The following DNAH5 variants were observed in gnomAD, a reference collection of about 807,000 sequenced individuals.
The protein encoded by DNAH5 is axonemal beta dynein heavy chain 5.
Under a neutral mutation model 518.2 loss-of-function variants are expected in DNAH5, and 372 were observed. That is an observed-to-expected ratio of 0.72 (90% CI 0.66 to 0.78). The LOEUF (loss-of-function observed/expected upper bound fraction) is 0.78. Among genes scored for constraint, DNAH5 ranks in the 30% least tolerant of loss-of-function variants. The probability of loss-of-function intolerance (pLI) is 0.00; values close to 1 mark genes in which losing one functional copy is unlikely to be tolerated. For missense variants in DNAH5, 5,523 were observed against 5,687.0 expected, an observed-to-expected ratio of 0.97 and a Z score of 0.93; for synonymous variants, 2,039 against 2,025.9, an observed-to-expected ratio of 1.01 and a Z score of -0.17.
At chr5:13,804,349 C>G (rs1040199385) in intron 47 of DNAH5, among the ~76,000 whole-genome samples, 18 of 152,162 alleles carry the variant, frequency 1.2e-4, no homozygotes, top group Non-Finnish European at 1.9e-4. Flanking sequence ...GTAACAGATA[C>G]GCGCCCTTCG....
intron 16 of DNAH5, among the ~76,000 whole-genome samples, chr5:13,893,022 T>C (rs1001093746): frequency 1.3e-5 from 2 of 152,206 alleles, no homozygotes; most frequent in African/African-American, 4.8e-5. Context: ...GGCTGAATCA[T>C]AATTTCTCAC....
chr5:13,751,159 A>C lies in DNAH5; in HGVS notation c.11130T>G (p.Arg3710=). 1.2e-6 allele frequency: 2 copies of C among 1,614,022 alleles called. No homozygotes were observed. The highest frequency in any genetic ancestry group is 1.7e-6 in the Non-Finnish European group (2 of 1,179,926). ...NPAYTPEISA[R]TSIIDFTVTM... The stretch of plus-strand genomic sequence containing the variant: ...TGACAGTGAAGTCAATGATGGAGGT[A>C]CGGGCACTTATCTCAGGGGTGTAGG... The change falls in exon 65 of 79, where the codon CGT becomes CGG. Residue 3710 remains arginine, a synonymous_variant. Coordinates refer to ENST00000265104, the MANE Select transcript of DNAH5 (RefSeq NM_001369.3).
intron 47 of DNAH5, among the ~76,000 whole-genome samples, chr5:13,800,440 A>G (rs1385424778): frequency 1.3e-5 from 2 of 152,158 alleles, no homozygotes; most frequent in Non-Finnish European, 2.9e-5. Flanking sequence ...TCAATTCAGA[A>G]AGTGGCACCA....
rs553795925 is a variant in DNAH5 at position 13,976,790 on chromosome 5, A to C, written c.12+34858T>G. The stretch of plus-strand genomic sequence containing the variant: ...GTTTCAGGCATCCACTGAGGGTCTC[A>C]GAATACATTCCCGGAGGATAAGGAG... On this transcript the variant is annotated intron_variant, in intron 1 of 78. Transcript: ENST00000681290. 7.9e-5 allele frequency among the ~76,000 whole-genome samples: 12 copies of C among 151,904 alleles called. No individual in the cohort carries two copies. In the East Asian group the frequency reaches 2.1e-3, roughly 27 times the overall value.
At chr5:13,934,522 A>G (rs1778736488) in intron 1 of DNAH5, among the ~76,000 whole-genome samples, 1 of 152,222 alleles carries the variant, frequency 6.6e-6, no homozygotes, top group African/African-American at 2.4e-5. Flanking sequence ...ATGATTGGGA[A>G]AAGAGAAATA....
chr5:13,833,516 A>G lies in DNAH5; in HGVS notation c.5883-2741T>C, dbSNP rs1244425194. ...AGCAAGAATAATAATAATAATAACAAACATTTGCTGTGTCACGCCCTGTGC... is the reference window on the plus strand; with the variant it reads ...AGCAAGAATAATAATAATAATAACAGACATTTGCTGTGTCACGCCCTGTGC... On this transcript the variant is annotated intron_variant, in intron 35 of 78. Transcript: ENST00000265104. 2.6e-5 allele frequency among the ~76,000 whole-genome samples: 4 copies of G among 152,252 alleles called. No homozygotes were observed. In the East Asian group the frequency reaches 7.7e-4, roughly 29 times the overall value.
intron 17 of DNAH5, 71 bp downstream of exon 17, chr5:13,890,905 C>CA (rs1773129842): frequency 6.3e-7 from 1 of 1,581,062 alleles, no homozygotes; most frequent in African/African-American, 1.4e-5. Flanking sequence ...CTTATAACTT[C>CA]AAAAAAGTGA....
chr5:13,868,738 T>G (rs893593883), intron 24 of DNAH5, among the ~76,000 whole-genome samples: 2 of 152,182 alleles, frequency 1.3e-5, no homozygotes, highest in African/African-American at 4.8e-5. Context: ...ATGCCTGTGG[T>G]CAGCACCTCA....
rs947968688 is a variant in DNAH5 at position 14,007,349 on chromosome 5, T to G, written c.12+4299A>C. Among the ~76,000 whole-genome samples the G allele has an allele frequency of 5.9e-5, 9 of 152,016 alleles. No individual in the cohort carries two copies. In the East Asian group the frequency reaches 1.7e-3, roughly 29 times the overall value. Reference sequence around the variant, plus strand: ...CAGCCTTCCAAGAGTATGACTTTGTTTTTTTTTCCAATGTCCAAGCAGTCC... The same window carrying G: ...CAGCCTTCCAAGAGTATGACTTTGTGTTTTTTTCCAATGTCCAAGCAGTCC... On this transcript the variant is annotated intron_variant, in intron 1 of 78. Coordinates refer to the DNAH5 transcript ENST00000681290.
intron 3 of DNAH5, among the ~76,000 whole-genome samples, chr5:13,924,923 C>A (rs1777705982): frequency 6.6e-6 from 1 of 152,166 alleles, no homozygotes; most frequent in Non-Finnish European, 1.5e-5. Context: ...ATGTTTAGAT[C>A]TCCAAATGGA....
chr5:13,781,355 C>T (rs1031569753), intron 52 of DNAH5, among the ~76,000 whole-genome samples: 4 of 152,148 alleles, frequency 2.6e-5, no homozygotes, highest in African/African-American at 9.7e-5. Context: ...CTACCCTTGG[C>T]ATACAGGGCA....
At chr5:13,773,114 C>T (rs1580160704) in intron 55 of DNAH5, among the ~76,000 whole-genome samples, 2 of 152,064 alleles carry the variant, frequency 1.3e-5, no homozygotes, top group African/African-American at 4.8e-5. Flanking sequence ...TCTTTTAGTT[C>T]TTTTATCCAT....
intron 1 of DNAH5, among the ~76,000 whole-genome samples, chr5:13,995,771 T>C (rs1783891386): frequency 6.6e-6 from 1 of 152,220 alleles, no homozygotes; most frequent in Non-Finnish European, 1.5e-5. Context: ...TGACCCTCTC[T>C]TTATTCAACA....
chr5:13,878,020 T>C (rs964511961), intron 21 of DNAH5, among the ~76,000 whole-genome samples: 4 of 152,040 alleles, frequency 2.6e-5, no homozygotes, highest in Non-Finnish European at 5.9e-5. Flanking sequence ...AAAACTCCTA[T>C]CTCTGGGAGC....
rs1322022534 is a variant in DNAH5 at position 13,807,683 on chromosome 5, T to A, written c.7795A>T (p.Ile2599Leu). ...IGEQGTAKTV[I>L]IKGFMSKYDP... ...TATTTTGACATAAATCCTTTAATTATTACTGTTTTGGCTGTTCCTTGTTCA... is the reference window on the plus strand; with the variant it reads ...TATTTTGACATAAATCCTTTAATTAATACTGTTTTGGCTGTTCCTTGTTCA... Residue 2599 changes from isoleucine to leucine, a missense_variant, in exon 47 of 79, where the codon ATA becomes TTA. Around this residue, in one of 3 missense-constraint regions of DNAH5, gnomAD observed 5,121 missense variants for 5,223.3 expected, o/e 0.98. Transcript: ENST00000265104. 6.2e-7 allele frequency: 1 copy of A among 1,609,918 alleles called. No homozygotes were observed. The highest frequency in any genetic ancestry group is 2.2e-5 in the East Asian group (1 of 44,828).
chr5:13,851,765 A>C (rs1766877761), intron 30 of DNAH5, among the ~76,000 whole-genome samples: 1 of 152,120 alleles, frequency 6.6e-6, no homozygotes, highest in Admixed American at 6.5e-5. Context: ...TTAAAAAGAA[A>C]AACATGGGAA....
intron 65 of DNAH5, among the ~76,000 whole-genome samples, chr5:13,750,308 G>A (rs144215123): frequency 4.6e-5 from 7 of 152,240 alleles, no homozygotes; most frequent in East Asian, 1.9e-4. Context: ...TTAAGAGTTC[G>A]TGCAGTTTCA....
chr5:13,838,385 T>G (rs1764695848), intron 35 of DNAH5, among the ~76,000 whole-genome samples: 1 of 152,174 alleles, frequency 6.6e-6, no homozygotes, highest in African/African-American at 2.4e-5. Context: ...CATCTCTATT[T>G]ATAGCCACTC....
Position 13,871,780 on chromosome 5 carries a change from C to G in DNAH5, c.3397-15G>C, listed in dbSNP as rs754521761. On this transcript the variant is annotated splice_polypyrimidine_tract_variant and intron_variant, in intron 22 of 78. Transcript: ENST00000265104. Reference sequence around the variant, plus strand: ...GTAATAACTTCCTGAATGCAAATAACAGATTTATGTTAAGAAGGAAGAATC... The same window carrying G: ...GTAATAACTTCCTGAATGCAAATAAGAGATTTATGTTAAGAAGGAAGAATC... 3.1e-6 allele frequency: 5 copies of G among 1,607,266 alleles called. No individual in the cohort carries two copies. Among genetic ancestry groups the G allele is most frequent in the East Asian group, 2.2e-5 (1 of 44,800 alleles).
Sources: allele counts gnomAD v4.1 joint callset (sites outside exome capture counted in the v4.1 genomes callset), GRCh38; gene constraint gnomAD v4.1.1; regional missense constraint gnomAD v4.1.1; transcripts MANE v1.5; gene names NCBI Gene and HGNC (gene_info 2026-07-23, HGNC 2026-07-21).